The following SLC24A2 variants were observed in gnomAD, a reference collection of about 807,000 sequenced individuals.
SLC24A2 encodes the protein sodium/potassium/calcium exchanger 2.
In SLC24A2, 36 loss-of-function variants were observed where a neutral mutation model predicts 62.0. That is an observed-to-expected ratio of 0.58 (90% CI 0.44 to 0.77). SLC24A2 has a LOEUF of 0.77. Among genes scored for constraint, SLC24A2 ranks in the 30% least tolerant of loss-of-function variants. The pLI is 0.00. For missense variants in SLC24A2, 846 were observed against 817.9 expected, an observed-to-expected ratio of 1.03 and a Z score of -0.42; for synonymous variants, 358 against 294.0, an observed-to-expected ratio of 1.22 and a Z score of -2.23.
At chr9:20,188,023 C>T in the SLC24A2 span, among the ~76,000 whole-genome samples, 2 of 152,188 alleles carry the variant, frequency 1.3e-5, no homozygotes, top group Admixed American at 6.5e-5. Flanking sequence ...CAGTACTTGG[C>T]ACATCATAGG....
intron 5 of SLC24A2, among the ~76,000 whole-genome samples, chr9:19,585,294 A>G (rs1836340177): frequency 6.6e-6 from 1 of 152,098 alleles, no homozygotes; most frequent in African/African-American, 2.4e-5. Flanking sequence ...TGGGCCCATT[A>G]TTTATTCAGT....
Position 19,636,428 on chromosome 9 carries a change from T to A in SLC24A2, c.931-14129A>T, listed in dbSNP as rs868434408. ...CTCTCTTTCTTTCTTTCCTCTTCTC[T>A]TCTCTTCTCTTTTCTTTTTTGGAGA... On this transcript the variant is annotated intron_variant, in intron 2 of 10. Transcript: ENST00000341998. Among the ~76,000 whole-genome samples the A allele has an allele frequency of 2.2e-4, 32 of 145,020 alleles. 4 individuals carry two copies. The highest frequency in any genetic ancestry group is 3.5e-3 in the Middle Eastern group (1 of 288).
the SLC24A2 span, among the ~76,000 whole-genome samples, chr9:20,081,601 C>T: frequency 3.3e-5 from 5 of 151,914 alleles, no homozygotes; most frequent in Non-Finnish European, 7.4e-5. Flanking sequence ...GCACGTTGTG[C>T]ACGTGTACCC....
chr9:19,648,232 G>T (rs936311447), intron 2 of SLC24A2, among the ~76,000 whole-genome samples: 1 of 152,172 alleles, frequency 6.6e-6, no homozygotes, highest in Non-Finnish European at 1.5e-5. Context: ...TTCAAAGGCC[G>T]TCCAATTAAT....
the SLC24A2 span, among the ~76,000 whole-genome samples, chr9:19,969,727 G>A: frequency 2.0e-5 from 3 of 152,146 alleles, no homozygotes; most frequent in Admixed American, 6.5e-5. Context: ...GGGGATTGTA[G>A]GAAATTCACA....
intron 2 of SLC24A2, among the ~76,000 whole-genome samples, chr9:19,636,315 T>TTTTCTTTTCTTTTCCTTCC: frequency 2.5e-5 from 1 of 40,328 alleles, no homozygotes; most frequent in Non-Finnish European, 4.7e-5. Context: ...TTTTCTTTTC[T>TTTTCTTTTCTTTTCCTTCC]TTTCTTTCTT....
chr9:19,837,072 G>C, the SLC24A2 span, among the ~76,000 whole-genome samples: 3 of 152,090 alleles, frequency 2.0e-5, no homozygotes, highest in East Asian at 5.8e-4. Context: ...TTGATGGGAC[G>C]TATCTCAAAA....
chr9:20,197,813 A>C, the SLC24A2 span, among the ~76,000 whole-genome samples: 62 of 152,286 alleles, frequency 4.1e-4, no homozygotes, highest in African/African-American at 1.4e-3. Flanking sequence ...ACCATCAAAC[A>C]AACACAAGCA....
rs1268832706 is a variant in SLC24A2 at position 19,510,108 on chromosome 9, T to C, written c.*6045A>G. The C allele has an allele frequency of 6.6e-6, 1 of 152,164 alleles. No homozygotes were observed. Among genetic ancestry groups the C allele is most frequent in the East Asian group, 1.9e-4 (1 of 5,198 alleles). The allele number at this position is 152,164 out of a possible 1,614,324, so 9.4% of individuals were successfully genotyped here. A position where few individuals can be genotyped will look rare whatever the true frequency, so the allele number is the denominator to read the frequency against. On this transcript the variant is annotated 3_prime_UTR_variant, in exon 11 of 11. Coordinates refer to ENST00000341998, the MANE Select transcript of SLC24A2 (RefSeq NM_020344.4). ...TGGTGTCTCCCCAATTTTGAGTTCT[T>C]TGTGAGTCTGAGATTATGACCTAAT...
the SLC24A2 span, among the ~76,000 whole-genome samples, chr9:19,862,351 C>T: frequency 6.2e-4 from 94 of 152,072 alleles, 1 homozygote; most frequent in African/African-American, 2.2e-3. Context: ...GGAGAAATTA[C>T]CCTTCAAAAA....
chr9:19,812,677 A>G, the SLC24A2 span, among the ~76,000 whole-genome samples: 1 of 152,126 alleles, frequency 6.6e-6, no homozygotes, highest in Non-Finnish European at 1.5e-5. Context: ...TTTGTGGCAT[A>G]TGGTACTGTC....
At chr9:19,719,619 G>T (rs1478951129) in intron 2 of SLC24A2, among the ~76,000 whole-genome samples, 1 of 152,102 alleles carries the variant, frequency 6.6e-6, no homozygotes, top group African/African-American at 2.4e-5. Context: ...AACCAGCCTG[G>T]GTTGCACTTA....
the SLC24A2 span, among the ~76,000 whole-genome samples, chr9:20,122,254 G>T: frequency 6.6e-6 from 1 of 152,192 alleles, no homozygotes; most frequent in Non-Finnish European, 1.5e-5. Context: ...TACTAAGCCC[G>T]CCCTTGTTTT....
chr9:20,268,863 G>A, the SLC24A2 span, among the ~76,000 whole-genome samples: 7 of 152,138 alleles, frequency 4.6e-5, no homozygotes, highest in Admixed American at 4.6e-4. Context: ...TGTGTGTGGA[G>A]GAACTACGAA....
At chr9:20,257,268 T>G in the SLC24A2 span, among the ~76,000 whole-genome samples, 1 of 152,190 alleles carries the variant, frequency 6.6e-6, no homozygotes, top group Non-Finnish European at 1.5e-5. Context: ...AAATATTTTT[T>G]AAGGCTTAGA....
At chr9:19,810,054 G>A in the SLC24A2 span, among the ~76,000 whole-genome samples, 2 of 152,100 alleles carry the variant, frequency 1.3e-5, no homozygotes, top group Non-Finnish European at 2.9e-5. Flanking sequence ...TCTAGCTCTT[G>A]GGGCATAGAG....
intron 2 of SLC24A2, among the ~76,000 whole-genome samples, chr9:19,739,712 A>C (rs556050289): frequency 1.3e-5 from 2 of 152,364 alleles, no homozygotes; most frequent in Admixed American, 6.5e-5. Flanking sequence ...ATTTTAAAAA[A>C]GCTTCTATAA....
rs1475982436 is a variant in SLC24A2 at position 19,511,446 on chromosome 9, G to C, written c.*4707C>G. On this transcript the variant is annotated 3_prime_UTR_variant, in exon 11 of 11. Coordinates refer to ENST00000341998, the MANE Select transcript of SLC24A2 (RefSeq NM_020344.4). Reference sequence around the variant, plus strand: ...ATTGGCTAAACATAGCCTGATATTTGTTACTGTTTTAAACTACATAGGGAT... The same window carrying C: ...ATTGGCTAAACATAGCCTGATATTTCTTACTGTTTTAAACTACATAGGGAT... The C allele has an allele frequency of 2.0e-5, 3 of 152,104 alleles. No homozygotes were observed. The East Asian group carries it at 5.8e-4, about 29-fold the overall frequency. The allele number at this position is 152,104 out of a possible 1,614,324, so 9.4% of individuals were successfully genotyped here.
the SLC24A2 span, among the ~76,000 whole-genome samples, chr9:20,159,259 C>A: frequency 6.6e-6 from 1 of 151,614 alleles, no homozygotes; most frequent in Non-Finnish European, 1.5e-5. Flanking sequence ...TTTTTTCCCC[C>A]ATTAACGCCC....
Sources: gnomAD v4.1 joint callset for allele counts (sites outside exome capture counted in the v4.1 genomes callset) on GRCh38, gnomAD v4.1.1 for gene constraint, MANE v1.5 for transcripts, NCBI Gene and HGNC (gene_info 2026-07-23, HGNC 2026-07-21) for gene names.